LNPEP: variants seen among roughly 807,000 people sequenced by gnomAD.
LNPEP encodes leucyl-cystinyl aminopeptidase.
LNPEP carries 64 observed loss-of-function variants against 120.6 expected under a neutral mutation model. That is an observed-to-expected ratio of 0.53 (90% CI 0.43 to 0.65). The LOEUF (loss-of-function observed/expected upper bound fraction) is 0.65. LNPEP is among the 30% of genes least tolerant of loss of function. The probability of loss-of-function intolerance (pLI) is 0.00; values close to 1 mark genes in which losing one functional copy is unlikely to be tolerated. For missense variants in LNPEP, 1,057 were observed against 1,200.0 expected, an observed-to-expected ratio of 0.88 and a Z score of 1.76; for synonymous variants, 435 against 425.4, an observed-to-expected ratio of 1.02 and a Z score of -0.28.
In LNPEP at chr5:97,015,114, C is replaced by T. The variant is rs1561452904; in HGVS notation, c.2376+19C>T. 6.7e-7 allele frequency: 1 copy of T among 1,501,790 alleles called. No individual in the cohort carries two copies. Among genetic ancestry groups the T allele is most frequent in the East Asian group, 2.5e-5 (1 of 40,032 alleles). The allele number at this position is 1,501,790 out of a possible 1,614,324, so 93.0% of individuals were successfully genotyped here. A position where few individuals can be genotyped will look rare whatever the true frequency, so the allele number is the denominator to read the frequency against. ...ACTGGTGGTAAGTCTGCCTTTTTGC[C>T]AGCTTCTTGCTGTTTATCTTTAATA... On this transcript the variant is annotated intron_variant, in intron 13 of 17. Coordinates refer to ENST00000231368, the MANE Select transcript of LNPEP (RefSeq NM_005575.3).
chr5:96,992,823 A>T (rs1349910871), intron 4 of LNPEP, among the ~76,000 whole-genome samples, 192 bp from the exon 5 acceptor site: 1 of 152,138 alleles, frequency 6.6e-6, no homozygotes, highest in African/African-American at 2.4e-5. Context: ...GTCTTTCAAC[A>T]ATGTTGTATG....
In LNPEP at chr5:96,982,424, A is replaced by G. The variant is rs115508683; in HGVS notation, c.860+2446A>G. The stretch of plus-strand genomic sequence containing the variant: ...TTATTCAGCATAGATAGAACAGGTT[A>G]TAAGTATTATCAAGCAGCAGCCTTC... On this transcript the variant is annotated intron_variant, in intron 2 of 17. Coordinates refer to ENST00000231368, the MANE Select transcript of LNPEP (RefSeq NM_005575.3). 4.7e-3 allele frequency among the ~76,000 whole-genome samples: 711 copies of G among 152,338 alleles called. 9 individuals are homozygous for G. The highest frequency in any genetic ancestry group is 0.016 in the African/African-American group (660 of 41,586).
chr5:97,019,260 G>T (rs1791132680), intron 13 of LNPEP, among the ~76,000 whole-genome samples: 1 of 151,944 alleles, frequency 6.6e-6, no homozygotes, highest in Admixed American at 6.6e-5. Flanking sequence ...AAATCATAGA[G>T]TTGCATTCTA....
chr5:96,950,962 A>G lies in LNPEP; in HGVS notation c.19+14788A>G, dbSNP rs375209874. ...ACAGACTGGGTGGCTTCGACAACAGATATTTATTTACTTACAGTTCTGGAG... is the reference window on the plus strand; with the variant it reads ...ACAGACTGGGTGGCTTCGACAACAGGTATTTATTTACTTACAGTTCTGGAG... On this transcript the variant is annotated intron_variant, in intron 1 of 17. Coordinates refer to ENST00000231368, the MANE Select transcript of LNPEP (RefSeq NM_005575.3). Among the ~76,000 whole-genome samples the G allele has an allele frequency of 3.1e-4, 47 of 152,272 alleles. No homozygotes were observed. In the South Asian group the frequency reaches 9.1e-3, roughly 30 times the overall value.
chr5:96,958,785 T>C (rs986072498), intron 1 of LNPEP: 2 of 151,848 alleles, frequency 1.3e-5, no homozygotes, highest in African/African-American at 2.4e-5. Flanking sequence ...AGGTAAGTCA[T>C]GTCCTTTTTC....
intron 4 of LNPEP, among the ~76,000 whole-genome samples, chr5:96,989,411 A>T (rs1254066546): frequency 1.3e-3 from 31 of 22,994 alleles, no homozygotes; most frequent in South Asian, 7.4e-3. Context: ...TATTATATAT[A>T]ATATATAATT....
At chr5:97,022,257 C>A in intron 13 of LNPEP, 43 bp from the exon 14 acceptor site, 3 of 1,204,710 alleles carry the variant, frequency 2.5e-6, no homozygotes, top group South Asian at 2.8e-5. Flanking sequence ...TTCTGATTGT[C>A]CTAATTATTA....
chr5:96,998,147 T>A lies in LNPEP; in HGVS notation c.1653+2T>A. 1 of 1,591,766 alleles carries A rather than the reference T, an allele frequency of 6.3e-7. No individual in the cohort carries two copies. The highest frequency in any genetic ancestry group is 8.5e-7 in the Non-Finnish European group (1 of 1,172,082). On this transcript the variant is annotated splice_donor_variant, in intron 8 of 17. Transcript: ENST00000231368. LOFTEE classifies it high-confidence loss of function. ...TTTGATTCTCTTTCCTATTTTAAGGTATTGCTGTGAACAAAAAGGTAGCTG... is the reference window on the plus strand; with the variant it reads ...TTTGATTCTCTTTCCTATTTTAAGGAATTGCTGTGAACAAAAAGGTAGCTG...
chr5:97,026,487 C>T, intron 15 of LNPEP, 130 bp from the exon 16 acceptor site: 1 of 656,342 alleles, frequency 1.5e-6, no homozygotes, highest in Non-Finnish European at 2.6e-6. Flanking sequence ...CAACCGTAGA[C>T]TAATGCAACA....
At position 97,032,547 on chromosome 5, in the gene LNPEP, G is replaced by A. The variant is rs1372794653; in HGVS notation, c.*4014G>A. 3.9e-5 allele frequency: 6 copies of A among 152,050 alleles called. 1 individual carries two copies. The highest frequency in any genetic ancestry group is 2.1e-4 in the South Asian group (1 of 4,818). 9.4% of individuals were successfully genotyped at this position (152,050 alleles called of 1,614,324 possible). A position where few individuals can be genotyped will look rare whatever the true frequency, so the allele number is the denominator to read the frequency against. On this transcript the variant is annotated 3_prime_UTR_variant, in exon 18 of 18. Coordinates refer to ENST00000231368, the MANE Select transcript of LNPEP (RefSeq NM_005575.3). ...TTGTATATTTTTTTCCTGATGAAGAGTGATATATCATCCTATGAAAATTTC... is the reference window on the plus strand; with the variant it reads ...TTGTATATTTTTTTCCTGATGAAGAATGATATATCATCCTATGAAAATTTC...
At chr5:96,982,335 A>G (rs1359144469) in intron 2 of LNPEP, among the ~76,000 whole-genome samples, 7 of 152,204 alleles carry the variant, frequency 4.6e-5, no homozygotes, top group Non-Finnish European at 1.0e-4. Flanking sequence ...ACTACTTGAT[A>G]AAGTGTTCAA....
At chr5:97,026,129 T>C (rs1038477811) in intron 15 of LNPEP, among the ~76,000 whole-genome samples, 6 of 152,244 alleles carry the variant, frequency 3.9e-5, no homozygotes, top group Non-Finnish European at 7.3e-5. Context: ...TATAGCATTG[T>C]TGTGTCAAGG....
intron 1 of LNPEP, among the ~76,000 whole-genome samples, chr5:96,975,465 C>A (rs887548924): frequency 6.6e-6 from 1 of 152,084 alleles, no homozygotes; most frequent in Non-Finnish European, 1.5e-5. Flanking sequence ...ACCTTTTTGA[C>A]GTGACTTGTA....
chr5:97,005,679 CTG>C (rs1297098704), intron 9 of LNPEP, among the ~76,000 whole-genome samples: 1 of 152,182 alleles, frequency 6.6e-6, no homozygotes, highest in African/African-American at 2.4e-5. Flanking sequence ...TGATTCTAGA[CTG>C]TATATCATTA....
intron 11 of LNPEP, among the ~76,000 whole-genome samples, chr5:97,008,148 A>G (rs1582023737): frequency 6.6e-6 from 1 of 152,220 alleles, no homozygotes; most frequent in African/African-American, 2.4e-5. Flanking sequence ...AAATAACCCC[A>G]TCTCCCTATA....
At chr5:97,010,996 G>A in intron 11 of LNPEP, 1 of 984,776 alleles carries the variant, frequency 1.0e-6, no homozygotes, top group South Asian at 4.7e-5. Flanking sequence ...CTCGATGACA[G>A]TAATAATTTC....
chr5:96,980,684 A>G (rs943774984), intron 2 of LNPEP, among the ~76,000 whole-genome samples: 3 of 152,204 alleles, frequency 2.0e-5, no homozygotes, highest in Non-Finnish European at 4.4e-5. Context: ...AGTAGCAGTG[A>G]TATCAGTTGT....
intron 13 of LNPEP, 57 bp downstream of exon 13, chr5:97,015,152 G>T (rs1244218362): frequency 1.6e-6 from 2 of 1,278,116 alleles, no homozygotes; most frequent in Non-Finnish European, 1.0e-6. Context: ...GTTATTCATG[G>T]TTCCATTTTC....
At chr5:97,007,744 C>T (rs1409802959) in intron 11 of LNPEP, among the ~76,000 whole-genome samples, 2 of 152,002 alleles carry the variant, frequency 1.3e-5, no homozygotes, top group African/African-American at 4.8e-5. Flanking sequence ...CTTGATTCAC[C>T]ATTTGTTGTT....
Sources: gnomAD v4.1 joint callset for allele counts (sites outside exome capture counted in the v4.1 genomes callset) on GRCh38, gnomAD v4.1.1 for gene constraint, MANE v1.5 for transcripts, NCBI Gene and HGNC (gene_info 2026-07-23, HGNC 2026-07-21) for gene names.